SENP3: variants seen among roughly 807,000 people sequenced by gnomAD.
SENP3 encodes SUMO specific peptidase 3, also known as sentrin-specific protease 3.
In SENP3, 11 loss-of-function variants were observed where a neutral mutation model predicts 66.2. That is an observed-to-expected ratio of 0.17 (90% CI 0.10 to 0.28). The LOEUF (loss-of-function observed/expected upper bound fraction) is 0.28, where lower values mean the gene tolerates loss of function less well. Among genes scored for constraint, SENP3 ranks in the 10% least tolerant of loss-of-function variants. SENP3 has a pLI of 1.00. For missense variants in SENP3, 548 were observed against 743.7 expected (o/e 0.74, Z 3.06); for synonymous variants, 292 against 277.6 (o/e 1.05, Z -0.52).
Position 7,564,783 on chromosome 17 carries a change from A to G in SENP3, c.874A>G (p.Met292Val). The stretch of plus-strand genomic sequence containing the variant: ...GCTTTTTCAGGGCTCAGATTTGGGC[A>G]TGGCAGAAGAGGCAGAGAGGCCTGG... The part of the protein sequence containing the change: ...QELFQGSDLG[M>V]AEEAERPGEK... The change falls in exon 3 of 11, where the codon ATG becomes GTG. Residue 292 changes from methionine (M) to valine (V), a missense_variant. Coordinates refer to ENST00000321337, the MANE Select transcript of SENP3 (RefSeq NM_015670.6). 1 of 1,614,012 alleles carries G rather than the reference A, an allele frequency of 6.2e-7. No individual in the cohort carries two copies. The highest frequency in any genetic ancestry group is 8.5e-7 in the Non-Finnish European group (1 of 1,179,888).
At position 7,568,060 on chromosome 17, in the gene SENP3, T is replaced by C. The variant is rs560277062; in HGVS notation, c.1341+1056T>C. On this transcript the variant is annotated intron_variant, in intron 7 of 10. Coordinates refer to ENST00000321337, the MANE Select transcript of SENP3 (RefSeq NM_015670.6). ...GCTCTGTGATACTGAGAGATACATA[T>C]TTGGTCTCCTGACCAGGCTCCTGGC... Among the ~76,000 whole-genome samples the C allele has an allele frequency of 1.7e-4, 25 of 150,838 alleles. No homozygotes were observed. The South Asian group carries it at 4.0e-3, about 24-fold the overall frequency.
At chr17:7,569,445 G>T (rs1420946068) in intron 7 of SENP3, among the ~76,000 whole-genome samples, 1 of 150,996 alleles carries the variant, frequency 6.6e-6, no homozygotes, top group Non-Finnish European at 1.5e-5. Flanking sequence ...TGAAGAAAAA[G>T]AAATGGAGGA....
intron 7 of SENP3, among the ~76,000 whole-genome samples, chr17:7,569,211 C>T (rs2071291990): frequency 6.6e-6 from 1 of 151,772 alleles, no homozygotes; most frequent in African/African-American, 2.4e-5. Flanking sequence ...CAGTGAAACC[C>T]TGTCTCTACT....
intron 6 of SENP3, among the ~76,000 whole-genome samples, chr17:7,566,218 A>G (rs1055792648): frequency 6.6e-6 from 1 of 151,748 alleles, no homozygotes; most frequent in Non-Finnish European, 1.5e-5. Context: ...GTGCATGCCT[A>G]TAATCCCAGT....
Position 7,571,479 on chromosome 17 carries a change from T to C in SENP3, c.1721T>C (p.Val574Ala). The change falls in exon 11 of 11, where the codon GTG becomes GCG. Residue 574 changes from valine (V) to alanine (A), a missense_variant. Transcript: ENST00000321337. ...YKELCHCKLT[V>A] Reference sequence around the variant, plus strand: ...GAGCTGTGTCACTGCAAACTCACTGTGTGAGCCTCGTACCCCAGACCCCAA... The same window carrying C: ...GAGCTGTGTCACTGCAAACTCACTGCGTGAGCCTCGTACCCCAGACCCCAA... 6.2e-7 allele frequency: 1 copy of C among 1,612,596 alleles called. No individual in the cohort carries two copies. Among genetic ancestry groups the C allele is most frequent in the Non-Finnish European group, 8.5e-7 (1 of 1,178,838 alleles).
At position 7,562,923 on chromosome 17, in the gene SENP3, GA is replaced by G. The variant is rs1278804565; in HGVS notation, c.-11-141del. The stretch of plus-strand genomic sequence containing the variant: ...GCCCCTTGTGGACCGCGTTAACCGG[GA>G]AGATCTTAAGTTAGGAGTTTTGCGT... On this transcript the variant is annotated intron_variant, in intron 1 of 10. Transcript: ENST00000321337. This position sits in a 1 kb window ranked among gnomAD's most constrained non-coding sequence, Gnocchi z 5.0. The G allele has an allele frequency of 3.2e-6, 4 of 1,265,718 alleles. No individual in the cohort carries two copies. The highest frequency in any genetic ancestry group is 4.0e-6 in the Non-Finnish European group (4 of 995,108). The allele number at this position is 1,265,718 out of a possible 1,614,324, so 78.4% of individuals were successfully genotyped here.
At chr17:7,571,088 C>T (rs2071309888) in intron 10 of SENP3, among the ~76,000 whole-genome samples, 155 bp downstream of exon 10, 1 of 152,190 alleles carries the variant, frequency 6.6e-6, no homozygotes, top group African/African-American at 2.4e-5. Context: ...CACTGGTTCT[C>T]TTCTGGACTT....
chr17:7,565,643 G>A, intron 5 of SENP3, 56 bp downstream of exon 5: 1 of 1,612,974 alleles, frequency 6.2e-7, no homozygotes, highest in South Asian at 1.1e-5. Flanking sequence ...AGGGTGTCTG[G>A]GGCCCTCTGC....
At position 7,571,879 on chromosome 17, in the gene SENP3, A is replaced by T. The variant is rs1396618364; in HGVS notation, c.*396A>T. On this transcript the variant is annotated 3_prime_UTR_variant, in exon 11 of 11. Coordinates refer to ENST00000321337, the MANE Select transcript of SENP3 (RefSeq NM_015670.6). ...TATATATATATATATATATATATAT[A>T]TATATATATATATATATATATATAT... 4 of 12,444 alleles carry T rather than the reference A, an allele frequency of 3.2e-4. No individual in the cohort carries two copies. Among genetic ancestry groups the T allele is most frequent in the Non-Finnish European group, 1.8e-4 (1 of 5,414 alleles). 0.8% of individuals were successfully genotyped at this position (12,444 alleles called of 1,614,324 possible).
rs2071317300 is a variant in SENP3 at position 7,571,786 on chromosome 17, TG to T, written c.*308del. 1 of 154,142 alleles carries T rather than the reference TG, an allele frequency of 6.5e-6. No individual in the cohort carries two copies. Among genetic ancestry groups the T allele is most frequent in the East Asian group, 2.0e-4 (1 of 5,120 alleles). 9.5% of individuals were successfully genotyped at this position (154,142 alleles called of 1,614,324 possible). ...CGTGCAGGGAGCAGGAAATCAGTGC[TG>T]GGGGTGGTGGGCGGACAATAGGATC... On this transcript the variant is annotated 3_prime_UTR_variant, in exon 11 of 11. Transcript: ENST00000321337.
In SENP3 at chr17:7,570,601, T is replaced by G. The variant is rs1402183037; in HGVS notation, c.1480-80T>G. The G allele has an allele frequency of 6.4e-7, 1 of 1,569,690 alleles. No homozygotes were observed. Among genetic ancestry groups the G allele is most frequent in the African/African-American group, 1.4e-5 (1 of 73,854 alleles). On this transcript the variant is annotated intron_variant, in intron 8 of 10. Coordinates refer to ENST00000321337, the MANE Select transcript of SENP3 (RefSeq NM_015670.6). The surrounding 1 kb of genome is among the most constrained non-coding windows in gnomAD (Gnocchi z 5.4). ...TCTTTGAGGGGCGACCTGGGCATGG[T>G]GTCTGCCAGCACTGTACCCACCATA...
At position 7,562,778 on chromosome 17, in the gene SENP3, A is replaced by G. The variant is rs373268390; in HGVS notation, c.-11-288A>G. Among the ~76,000 whole-genome samples the G allele has an allele frequency of 1.3e-5, 2 of 152,142 alleles. No homozygotes were observed. The highest frequency in any genetic ancestry group is 2.1e-4 in the South Asian group (1 of 4,830). ...GGTGGTATTAAAATAAAGACGTAGAACCTGGCAGTGCTATTGGGTTTGGCC... is the reference window on the plus strand; with the variant it reads ...GGTGGTATTAAAATAAAGACGTAGAGCCTGGCAGTGCTATTGGGTTTGGCC... On this transcript the variant is annotated intron_variant, in intron 1 of 10. Coordinates refer to ENST00000321337, the MANE Select transcript of SENP3 (RefSeq NM_015670.6). The surrounding 1 kb of genome is among the most constrained non-coding windows in gnomAD (Gnocchi z 5.0).
chr17:7,567,046 C>G lies in SENP3; in HGVS notation c.1341+42C>G, dbSNP rs368530023. On this transcript the variant is annotated intron_variant, in intron 7 of 10. Transcript: ENST00000321337. ...CATCCACTTGTGTAATGCCTTGCCT[C>G]TAAAGAATGAGAGTCTTGTTTTCTC... 9.0e-5 allele frequency: 114 copies of G among 1,270,032 alleles called. No individual in the cohort carries two copies. The African/African-American group carries it at 1.5e-3, about 17-fold the overall frequency. 78.7% of individuals were successfully genotyped at this position (1,270,032 alleles called of 1,614,324 possible). A position where few individuals can be genotyped will look rare whatever the true frequency, so the allele number is the denominator to read the frequency against.
intron 5 of SENP3, 37 bp downstream of exon 5, chr17:7,565,624 T>G: frequency 1.2e-6 from 2 of 1,613,352 alleles, no homozygotes; most frequent in Non-Finnish European, 1.7e-6. Flanking sequence ...GAGAGGGGAT[T>G]CAGGGAGCAG....
rs573267191 is a variant in SENP3 at position 7,571,906 on chromosome 17, T to A, written c.*423T>A. On this transcript the variant is annotated 3_prime_UTR_variant, in exon 11 of 11. Coordinates refer to ENST00000321337, the MANE Select transcript of SENP3 (RefSeq NM_015670.6). ...ATATATATATATATATATATATATA[T>A]ATAAAAATATATAAATGCCACGGTC... 6.2e-3 allele frequency: 58 copies of A among 9,312 alleles called. 10 individuals carry two copies. The highest frequency in any genetic ancestry group is 0.015 in the Non-Finnish European group (43 of 2,822). 0.6% of individuals were successfully genotyped at this position (9,312 alleles called of 1,614,324 possible).
Position 7,564,752 on chromosome 17 carries a change from C to G in SENP3, c.843C>G (p.Ala281=), listed in dbSNP as rs373336096. The change falls in exon 3 of 11, where the codon GCC becomes GCG. Residue 281 remains alanine, a synonymous_variant. Coordinates refer to ENST00000321337, the MANE Select transcript of SENP3 (RefSeq NM_015670.6). ...SNVCSIGDHV[A]QELFQGSDLG... ...TGTGCAGCATCGGGGACCATGTGGC[C>G]CAGGAGCTTTTTCAGGGCTCAGATT... 58 of 1,613,858 alleles carry G rather than the reference C, an allele frequency of 3.6e-5. No individual in the cohort carries two copies. Among genetic ancestry groups the G allele is most frequent in the Non-Finnish European group, 4.6e-5 (54 of 1,179,910 alleles).
chr17:7,568,422 CCT>C (rs1000276181), intron 7 of SENP3, among the ~76,000 whole-genome samples: 2 of 152,182 alleles, frequency 1.3e-5, no homozygotes, highest in Non-Finnish European at 2.9e-5. Context: ...CTGGCGAAAC[CCT>C]GTCTCTACTA....
intron 7 of SENP3, among the ~76,000 whole-genome samples, chr17:7,569,004 T>G (rs2071289720): frequency 6.6e-6 from 1 of 152,160 alleles, no homozygotes; most frequent in South Asian, 2.1e-4. Flanking sequence ...CTTGCTTGGT[T>G]GTTGGTGGAG....
chr17:7,571,879 AT>A lies in SENP3; in HGVS notation c.*397del, dbSNP rs1567731436. The A allele has an allele frequency of 3.5e-3, 44 of 12,460 alleles. 3 individuals carry two copies. Among genetic ancestry groups the A allele is most frequent in the Admixed American group, 7.9e-3 (11 of 1,386 alleles). The allele number at this position is 12,460 out of a possible 1,614,324, so 0.8% of individuals were successfully genotyped here. A position where few individuals can be genotyped will look rare whatever the true frequency, so the allele number is the denominator to read the frequency against. On this transcript the variant is annotated 3_prime_UTR_variant, in exon 11 of 11. Transcript: ENST00000321337. ...TATATATATATATATATATATATAT[AT>A]ATATATATATATATATATATATATA...
Sources: gnomAD v4.1 joint callset for allele counts (sites outside exome capture counted in the v4.1 genomes callset) on GRCh38, gnomAD v4.1.1 for gene constraint, Gnocchi (gnomAD v3.1) non-coding constraint, MANE v1.5 for transcripts, NCBI Gene and HGNC (gene_info 2026-07-23, HGNC 2026-07-21) for gene names.